ACAP2: variants seen among roughly 807,000 people sequenced by gnomAD.
ACAP2 encodes arf-GAP with coiled-coil, ANK repeat and PH domain-containing protein 2.
A neutral mutation model predicts 115.8 loss-of-function variants in ACAP2; 39 were observed. The ratio of observed to expected loss-of-function variants is 0.34; its 90% CI spans 0.26 to 0.44. The LOEUF (loss-of-function observed/expected upper bound fraction) is 0.44. Ranked by LOEUF, ACAP2 falls within the 20% of genes least tolerant of loss-of-function variation. The pLI is 1.00. For synonymous variants in ACAP2, 289 were observed against 315.8 expected (o/e 0.92, Z 0.90); for missense variants, 662 against 927.6 (o/e 0.71, Z 3.72).
Position 195,336,924 on chromosome 3 carries a change from TG to T in ACAP2, c.573+7del, listed in dbSNP as rs774142329. The T allele has an allele frequency of 6.3e-7, 1 of 1,587,060 alleles. No homozygotes were observed. Among genetic ancestry groups the T allele is most frequent in the East Asian group, 2.2e-5 (1 of 44,626 alleles). On this transcript the variant is annotated splice_region_variant and intron_variant, in intron 7 of 22. Transcript: ENST00000326793. ...ATATTTAAAACATCATTTCAATTAA[TG>T]TCTTACTGATTTTAGGATTTCTGAT...
At chr3:195,290,837 TA>T (rs1402743531) in intron 20 of ACAP2, among the ~76,000 whole-genome samples, 36 of 132,426 alleles carry the variant, frequency 2.7e-4, no homozygotes, top group African/African-American at 5.4e-4. Context: ...AATAAATAAA[TA>T]AATAAATAAA....
intron 1 of ACAP2, among the ~76,000 whole-genome samples, chr3:195,435,266 C>G (rs1276784719): frequency 6.6e-6 from 1 of 150,564 alleles, no homozygotes; most frequent in African/African-American, 2.5e-5. Context: ...CCTCTGCCCC[C>G]CGGGTTCAAG....
At chr3:195,420,429 A>G (rs981224540) in intron 1 of ACAP2, among the ~76,000 whole-genome samples, 1 of 151,960 alleles carries the variant, frequency 6.6e-6, no homozygotes, top group Admixed American at 6.6e-5. Flanking sequence ...GCTCACTGCA[A>G]GCTCCGCCTC....
rs768282873 is a variant in ACAP2, at chr3:195,292,292, C to G, written c.1926G>C (p.Ala642=). The G allele has an allele frequency of 1.9e-6, 3 of 1,598,586 alleles. No individual in the cohort carries two copies. Among genetic ancestry groups the G allele is most frequent in the Non-Finnish European group, 2.6e-6 (3 of 1,176,222 alleles). Residue 642 remains alanine, a synonymous_variant, in exon 19 of 23, where the codon GCG becomes GCC. Coordinates refer to ENST00000326793, the MANE Select transcript of ACAP2 (RefSeq NM_012287.6). ...VNWANSEENK[A]TPLIQAVLGG... is the part of the protein sequence containing the mutation. ...CTAATACAGCCTGAATAAGTGGTGT[C>G]GCTTTGTTTTCCTCTGAATTGGCCC...
intron 1 of ACAP2, among the ~76,000 whole-genome samples, chr3:195,424,284 T>TATATATATATA (rs1491225166): frequency 5.0e-4 from 8 of 15,846 alleles, no homozygotes; most frequent in Middle Eastern, 0.045. Flanking sequence ...TATATATATA[T>TATATATATATA]TTTTTTTTTT....
intron 8 of ACAP2, among the ~76,000 whole-genome samples, chr3:195,327,657 C>T (rs1267677804): frequency 3.3e-5 from 5 of 152,072 alleles, no homozygotes; most frequent in African/African-American, 9.7e-5. Context: ...CCTGGCCGGG[C>T]GCAGTGGCTC....
chr3:195,334,503 G>C (rs1730374829), intron 7 of ACAP2, among the ~76,000 whole-genome samples: 1 of 152,060 alleles, frequency 6.6e-6, no homozygotes, highest in Non-Finnish European at 1.5e-5. Flanking sequence ...ACAGACTTAA[G>C]ATGTAAGAGA....
intron 13 of ACAP2, among the ~76,000 whole-genome samples, chr3:195,303,009 T>A (rs1488729517): frequency 6.6e-6 from 1 of 151,336 alleles, no homozygotes; most frequent in Non-Finnish European, 1.5e-5. Context: ...AGGCCAGGAG[T>A]TCAAGACCAG....
In ACAP2 at chr3:195,290,842, A is replaced by AAAT. The variant is rs1284679706; in HGVS notation, c.2063+861_2063+863dup. On this transcript the variant is annotated intron_variant, in intron 20 of 22. Coordinates refer to ENST00000326793, the MANE Select transcript of ACAP2 (RefSeq NM_012287.6). The stretch of plus-strand genomic sequence containing the variant: ...TAAATAAATAAATAAATAAATAAAT[A>AAAT]AATAAATAATAAATAAATAAATAAA... Among the ~76,000 whole-genome samples the AAAT allele has an allele frequency of 2.4e-3, 304 of 124,578 alleles. 2 individuals carry two copies. The highest frequency in any genetic ancestry group is 5.2e-3 in the South Asian group (19 of 3,630). The allele number at this position is 124,578 out of a possible 152,430, so 81.7% of individuals were successfully genotyped here. A position where few individuals can be genotyped will look rare whatever the true frequency, so the allele number is the denominator to read the frequency against.
Position 195,326,876 on chromosome 3 carries a change from C to T in ACAP2, c.744+9G>A. The T allele has an allele frequency of 6.2e-7, 1 of 1,612,558 alleles. No individual in the cohort carries two copies. Among genetic ancestry groups the T allele is most frequent in the African/African-American group, 1.3e-5 (1 of 74,950 alleles). On this transcript the variant is annotated intron_variant, in intron 9 of 22. Transcript: ENST00000326793. ...GTGGAATTAATTTTTAATTTTTCCC[C>T]TGAGGTACCTTTTGTTGAATGGTGG...
chr3:195,355,489 A>C (rs6763335), intron 4 of ACAP2, among the ~76,000 whole-genome samples: 36,358 of 152,032 alleles, frequency 0.24, 5,078 homozygotes, highest in East Asian at 0.71. Flanking sequence ...GCTAAGGTTC[A>C]CTTATATTTC....
At chr3:195,440,072 C>A (rs1475244898) in intron 1 of ACAP2, among the ~76,000 whole-genome samples, 3 of 151,904 alleles carry the variant, frequency 2.0e-5, no homozygotes, top group Non-Finnish European at 4.4e-5. Flanking sequence ...AAAATTTCCA[C>A]TCAAAAAAAA....
intron 22 of ACAP2, among the ~76,000 whole-genome samples, chr3:195,283,220 C>T (rs1726620944): frequency 6.6e-6 from 1 of 152,174 alleles, no homozygotes; most frequent in African/African-American, 2.4e-5. Context: ...GAAGAGTGTG[C>T]TGTTTCCCTC....
intron 2 of ACAP2, among the ~76,000 whole-genome samples, chr3:195,386,655 G>A (rs890701707): frequency 1.1e-4 from 16 of 152,094 alleles, no homozygotes; most frequent in Non-Finnish European, 1.8e-4. Flanking sequence ...GCGGGGCAAG[G>A]GGAGGGAGAG....
At chr3:195,334,576 G>T (rs182082290) in intron 7 of ACAP2, among the ~76,000 whole-genome samples, 97 of 152,088 alleles carry the variant, frequency 6.4e-4, no homozygotes, top group Non-Finnish European at 4.9e-4. Context: ...GGACATATGA[G>T]GTACATAAGT....
At chr3:195,440,011 C>A (rs1441145961) in intron 1 of ACAP2, among the ~76,000 whole-genome samples, 2 of 152,058 alleles carry the variant, frequency 1.3e-5, no homozygotes, top group Non-Finnish European at 2.9e-5. Context: ...CAACTACATA[C>A]AATTAAGGGC....
intron 4 of ACAP2, among the ~76,000 whole-genome samples, chr3:195,353,657 T>C (rs1324514959): frequency 6.6e-6 from 1 of 152,232 alleles, no homozygotes; most frequent in African/African-American, 2.4e-5. Flanking sequence ...ATGATTGTTA[T>C]ATTCACTAAA....
intron 20 of ACAP2, among the ~76,000 whole-genome samples, 171 bp from the exon 21 acceptor site, chr3:195,289,402 A>T (rs1727084469): frequency 6.6e-6 from 1 of 152,226 alleles, no homozygotes; most frequent in South Asian, 2.1e-4. Context: ...ACCAAGATCA[A>T]CATTTCACAA....
intron 1 of ACAP2, among the ~76,000 whole-genome samples, chr3:195,417,607 G>C (rs904708108): frequency 6.6e-6 from 1 of 152,020 alleles, no homozygotes; most frequent in Non-Finnish European, 1.5e-5. Context: ...TAATGACGTC[G>C]ACACACTGCA....
Sources: gnomAD v4.1 joint callset for allele counts (sites outside exome capture counted in the v4.1 genomes callset) on GRCh38, gnomAD v4.1.1 for gene constraint, MANE v1.5 for transcripts, NCBI Gene and HGNC (gene_info 2026-07-23, HGNC 2026-07-21) for gene names.